FUT9: variants seen among roughly 807,000 people sequenced by gnomAD.
The protein encoded by FUT9 is 4-galactosyl-N-acetylglucosaminide 3-alpha-L-fucosyltransferase 9.
In FUT9, 15 loss-of-function variants were observed where a neutral mutation model predicts 29.7. That is an observed-to-expected ratio of 0.51 (90% confidence interval 0.34 to 0.78). FUT9 has a LOEUF of 0.78. Ranked by LOEUF, FUT9 falls within the 30% of genes least tolerant of loss-of-function variation. The pLI is 0.01. For synonymous variants in FUT9, 169 were observed against 153.7 expected (o/e 1.10, Z -0.74); for missense variants, 319 against 425.4 (o/e 0.75, Z 2.20).
intron 1 of FUT9, among the ~76,000 whole-genome samples, chr6:96,023,847 T>C (rs1408772): frequency 0.74 from 112,149 of 151,658 alleles, 41,716 homozygotes; most frequent in Admixed American, 0.82. Context: ...TTTTCTTTCC[T>C]CTTTTTCTTC....
chr6:96,164,319 C>A (rs1310452184), intron 2 of FUT9, among the ~76,000 whole-genome samples: 1 of 130,670 alleles, frequency 7.7e-6, no homozygotes, highest in African/African-American at 2.9e-5. Context: ...AGTGCAGTGG[C>A]GCGATCTCAG....
rs1774000769 is a variant in FUT9 at position 96,214,546 on chromosome 6, A to C, written c.*10311A>C. ...TGCAGATAATTTGAAGCAGTCTTTG[A>C]AAATAACAAAAATTATTCCATTTAA... On this transcript the variant is annotated 3_prime_UTR_variant, in exon 3 of 3. Transcript: ENST00000302103. The C allele has an allele frequency of 6.0e-6, 1 of 166,848 alleles. No individual in the cohort carries two copies. The highest frequency in any genetic ancestry group is 6.6e-5 in the Admixed American group (1 of 15,256). The allele number at this position is 166,848 out of a possible 1,614,324, so 10.3% of individuals were successfully genotyped here.
Position 96,094,961 on chromosome 6 carries a change from G to A in FUT9, c.-97-19078G>A, listed in dbSNP as rs536783444. 2.5e-3 allele frequency among the ~76,000 whole-genome samples: 377 copies of A among 152,048 alleles called. 1 individual carries two copies. The highest frequency in any genetic ancestry group is 8.6e-3 in the African/African-American group (358 of 41,480). On this transcript the variant is annotated intron_variant, in intron 1 of 2. Coordinates refer to ENST00000302103, the MANE Select transcript of FUT9 (RefSeq NM_006581.4). ...CACCCATCTCCTGAGCAGTGTACAC[G>A]GTACCCAAAGTGTAGCACAATTTTG...
chr6:96,132,152 A>G (rs1013964396), intron 2 of FUT9, among the ~76,000 whole-genome samples: 3 of 152,050 alleles, frequency 2.0e-5, no homozygotes, highest in African/African-American at 7.2e-5. Context: ...TATTGGAACA[A>G]AATCAAAAGT....
chr6:96,087,398 C>T (rs1444440156), intron 1 of FUT9, among the ~76,000 whole-genome samples: 1 of 135,342 alleles, frequency 7.4e-6, no homozygotes, highest in Non-Finnish European at 1.6e-5. Context: ...GACAGACTCT[C>T]ACTCTGTTAC....
rs1774038254 is a variant in FUT9, at chr6:96,215,599, T to C, written c.*11364T>C. 6.1e-6 allele frequency: 1 copy of C among 165,276 alleles called. No homozygotes were observed. The highest frequency in any genetic ancestry group is 2.4e-5 in the African/African-American group (1 of 41,458). The allele number at this position is 165,276 out of a possible 1,614,324, so 10.2% of individuals were successfully genotyped here. ...ATGTGAATATTTAAAATAAAAGAAT[T>C]CAATTTAAATGTATACTAGCTAGTG... On this transcript the variant is annotated 3_prime_UTR_variant, in exon 3 of 3. Transcript: ENST00000302103.
chr6:96,159,297 A>G (rs1308829402), intron 2 of FUT9, among the ~76,000 whole-genome samples: 1 of 152,062 alleles, frequency 6.6e-6, no homozygotes, highest in Non-Finnish European at 1.5e-5. Flanking sequence ...TGATCCCATC[A>G]ACAACAGGGA....
chr6:96,080,221 TA>T (rs34898338), intron 1 of FUT9, among the ~76,000 whole-genome samples: 103,056 of 151,226 alleles, frequency 0.68, 36,631 homozygotes, highest in East Asian at 0.84. Context: ...ATTGTGTTTC[TA>T]AAAAAAAAGC....
At chr6:96,068,882 G>C (rs1448356710) in intron 1 of FUT9, among the ~76,000 whole-genome samples, 1 of 152,100 alleles carries the variant, frequency 6.6e-6, no homozygotes, top group Non-Finnish European at 1.5e-5. Context: ...GAGAAAAAAA[G>C]AAGTAAAATT....
chr6:96,055,219 T>C (rs1405888877), intron 1 of FUT9, among the ~76,000 whole-genome samples: 1 of 152,184 alleles, frequency 6.6e-6, no homozygotes, highest in Non-Finnish European at 1.5e-5. Flanking sequence ...ACATTTAATG[T>C]TACACATTTG....
chr6:96,100,021 C>T (rs951251040), intron 1 of FUT9, among the ~76,000 whole-genome samples: 4 of 151,848 alleles, frequency 2.6e-5, no homozygotes, highest in African/African-American at 9.7e-5. Context: ...AGAATTGATT[C>T]GATTTGTTTG....
rs1562136503 is a variant in FUT9, at chr6:96,131,173, G to T, written c.-9+17046G>T. On this transcript the variant is annotated intron_variant, in intron 2 of 2. Coordinates refer to ENST00000302103, the MANE Select transcript of FUT9 (RefSeq NM_006581.4). ...TTACTCTAAATTATCATCACAATAG[G>T]CTATACATTATTTATTTTCCAAAAT... Among the ~76,000 whole-genome samples the T allele has an allele frequency of 3.3e-5, 5 of 151,720 alleles. No homozygotes were observed. The South Asian group carries it at 1.0e-3, about 32-fold the overall frequency.
At position 96,211,284 on chromosome 6, in the gene FUT9, T is replaced by A. The variant is rs1773932093; in HGVS notation, c.*7049T>A. The A allele has an allele frequency of 6.0e-6, 1 of 166,788 alleles. No individual in the cohort carries two copies. Among genetic ancestry groups the A allele is most frequent in the Non-Finnish European group, 1.5e-5 (1 of 67,984 alleles). 10.3% of individuals were successfully genotyped at this position (166,788 alleles called of 1,614,324 possible). ...AATTGGAACTCAAGCAGTCCTAATTTTCTCTCCCTGTTATGAGCAATCAGT... is the reference window on the plus strand; with the variant it reads ...AATTGGAACTCAAGCAGTCCTAATTATCTCTCCCTGTTATGAGCAATCAGT... On this transcript the variant is annotated 3_prime_UTR_variant, in exon 3 of 3. Transcript: ENST00000302103.
intron 1 of FUT9, among the ~76,000 whole-genome samples, chr6:96,035,822 T>A (rs12529166): frequency 3.8e-5 from 5 of 133,294 alleles, no homozygotes; most frequent in East Asian, 2.1e-4. Flanking sequence ...ATATAATATA[T>A]TATATGTATT....
At chr6:96,188,843 G>T (rs1175606144) in intron 2 of FUT9, among the ~76,000 whole-genome samples, 2 of 151,762 alleles carry the variant, frequency 1.3e-5, no homozygotes, top group African/African-American at 4.8e-5. Context: ...TTAGCTCCTT[G>T]GTCAGTCATA....
rs563570743 is a variant in FUT9 at position 96,037,682 on chromosome 6, A to G, written c.-98+21470A>G. Among the ~76,000 whole-genome samples, 48 of 136,038 alleles carry G rather than the reference A, an allele frequency of 3.5e-4. 1 individual carries two copies. In the East Asian group the frequency reaches 8.9e-3, roughly 25 times the overall value. 89.2% of individuals were successfully genotyped at this position (136,038 alleles called of 152,430 possible). On this transcript the variant is annotated intron_variant, in intron 1 of 2. Transcript: ENST00000302103. ...TAGTCATTAGTCATTAGTGTGAAAA[A>G]AAAATTTTTTTGAATGTTAAAAAAG...
At chr6:96,179,248 A>T (rs903900387) in intron 2 of FUT9, among the ~76,000 whole-genome samples, 2 of 152,138 alleles carry the variant, frequency 1.3e-5, no homozygotes, top group Non-Finnish European at 2.9e-5. Flanking sequence ...TATTTGTTCA[A>T]TACATATTTA....
intron 2 of FUT9, among the ~76,000 whole-genome samples, chr6:96,117,302 A>G (rs543628149): frequency 5.9e-5 from 9 of 152,342 alleles, no homozygotes; most frequent in African/African-American, 2.2e-4. Context: ...GAAAGAAGTT[A>G]TAATCAGCAA....
At chr6:96,127,048 T>C (rs1191295059) in intron 2 of FUT9, among the ~76,000 whole-genome samples, 1 of 152,240 alleles carries the variant, frequency 6.6e-6, no homozygotes, top group African/African-American at 2.4e-5. Context: ...TAAACATTTA[T>C]TGGAGGTCCA....
Sources: allele counts gnomAD v4.1 joint callset (sites outside exome capture counted in the v4.1 genomes callset), GRCh38; gene constraint gnomAD v4.1.1; transcripts MANE v1.5; gene names NCBI Gene and HGNC (gene_info 2026-07-23, HGNC 2026-07-21).